The following GSG1L2 variants were observed in gnomAD, a reference collection of about 807,000 sequenced individuals.
GSG1L2 encodes GSG1 like 2.
A neutral mutation model predicts 9.0 loss-of-function variants in GSG1L2; 15 were observed. The ratio of observed to expected loss-of-function variants is 1.67; its 90% confidence interval spans 1.12 to 2.57. The LOEUF is 2.57. Ranked by LOEUF, GSG1L2 falls within the 30% of genes most tolerant of loss-of-function variation. The pLI is 0.00. For synonymous variants in GSG1L2, 127 were observed against 57.9 expected (o/e 2.19, Z -5.41); for missense variants, 286 against 150.3 (o/e 1.90, Z -4.72).
At chr17:9,809,176 A>T in intron 2 of GSG1L2, 194 bp from the exon 3 acceptor site, 31 of 495,488 alleles carry the variant, frequency 6.3e-5, no homozygotes, top group East Asian at 1.8e-4. Context: ...AGACGGTTGT[A>T]GGGATTGCCC....
At chr17:9,808,512 C>G (rs2066524769) in intron 3 of GSG1L2, among the ~76,000 whole-genome samples, 1 of 152,126 alleles carries the variant, frequency 6.6e-6, no homozygotes, top group Admixed American at 6.5e-5. Flanking sequence ...GAGCAGGATC[C>G]CTCCACAGAC....
rs1047025977 is a variant in GSG1L2, at chr17:9,808,966, G to C, written c.375C>G (p.Ser125=). ...PAEEQGVLWL[S]IGGEVLDIVL... is the part of the protein sequence containing the mutation. Reference sequence around the variant, plus strand: ...CGATATCCAGGACCTCGCCCCCGATGGACAGCCACAAAACACCTGCCAAAG... The same window carrying C: ...CGATATCCAGGACCTCGCCCCCGATCGACAGCCACAAAACACCTGCCAAAG... The change falls in exon 3 of 5, where the codon TCC becomes TCG. Residue 125 remains serine, a synonymous_variant. Coordinates refer to ENST00000399363, the MANE Select transcript of GSG1L2 (RefSeq NM_001310219.2). 4.3e-6 allele frequency: 3 copies of C among 702,876 alleles called. No individual in the cohort carries two copies. The highest frequency in any genetic ancestry group is 4.0e-5 in the Admixed American group (2 of 49,974). The allele number at this position is 702,876 out of a possible 1,614,324, so 43.5% of individuals were successfully genotyped here. A position where few individuals can be genotyped will look rare whatever the true frequency, so the allele number is the denominator to read the frequency against.
intron 2 of GSG1L2, 73 bp downstream of exon 2, chr17:9,810,498 T>C (rs917392049): frequency 2.9e-6 from 2 of 693,716 alleles, no homozygotes; most frequent in African/African-American, 1.8e-5. Flanking sequence ...ATTTCCCCTA[T>C]TCCCAATAAA....
chr17:9,810,256 T>TGG (rs2066534023), intron 2 of GSG1L2: 1 of 435,140 alleles, frequency 2.3e-6, no homozygotes, highest in African/African-American at 2.0e-5. Flanking sequence ...GAGCTCTGTG[T>TGG]TCATCTTGCA....
intron 2 of GSG1L2, chr17:9,809,561 C>T (rs182269294): frequency 1.3e-5 from 2 of 157,784 alleles, no homozygotes; most frequent in African/African-American, 4.8e-5. Context: ...ATCAGAGTGC[C>T]CTTTTTCCAG....
In GSG1L2 at chr17:9,810,636, T is replaced by C. The variant is rs1597941801; in HGVS notation, c.311-18A>G. 1.4e-6 allele frequency: 1 copy of C among 702,990 alleles called. No individual in the cohort carries two copies. Among genetic ancestry groups the C allele is most frequent in the East Asian group, 2.7e-5 (1 of 37,292 alleles). The allele number at this position is 702,990 out of a possible 1,614,324, so 43.5% of individuals were successfully genotyped here. On this transcript the variant is annotated intron_variant, in intron 1 of 4. Coordinates refer to ENST00000399363, the MANE Select transcript of GSG1L2 (RefSeq NM_001310219.2). Reference sequence around the variant, plus strand: ...CTTTTCATCTGAAAGATAAAGAGAATGCATCCAGAAGTGGGTTACACTTCA... The same window carrying C: ...CTTTTCATCTGAAAGATAAAGAGAACGCATCCAGAAGTGGGTTACACTTCA...
At chr17:9,815,734 ATTAAGAGCTCT>A (rs1457244725) in intron 1 of GSG1L2, among the ~76,000 whole-genome samples, 2 of 152,202 alleles carry the variant, frequency 1.3e-5, no homozygotes, top group African/African-American at 4.8e-5. Flanking sequence ...TGAGGTACTT[ATTAAGAGCTCT>A]TTCTGTCCTG....
intron 4 of GSG1L2, among the ~76,000 whole-genome samples, chr17:9,807,261 T>C (rs2152022459): frequency 6.6e-6 from 1 of 152,174 alleles, no homozygotes; most frequent in African/African-American, 2.4e-5. Context: ...GTGCAAAGAG[T>C]TTTATAAACA....
chr17:9,807,745 G>A (rs1344244159), intron 3 of GSG1L2, 144 bp from the exon 4 acceptor site: 1 of 606,906 alleles, frequency 1.6e-6, no homozygotes, highest in Non-Finnish European at 3.0e-6. Context: ...TAAACATTCC[G>A]CTGGACATCT....
rs149118722 is a variant in GSG1L2, at chr17:9,821,617, C to T, written c.310+145G>A. The T allele has an allele frequency of 3.4e-3, 2,147 of 625,718 alleles. 17 individuals are homozygous for T. The highest frequency in any genetic ancestry group is 3.1e-3 in the Non-Finnish European group (1,076 of 347,008). The allele number at this position is 625,718 out of a possible 1,614,324, so 38.8% of individuals were successfully genotyped here. ...AATCAGTGGAGATGAAGGATTCAAA[C>T]CCAGACAGCCTGGCTCCAGAGCCCC... On this transcript the variant is annotated intron_variant, in intron 1 of 4. Coordinates refer to ENST00000399363, the MANE Select transcript of GSG1L2 (RefSeq NM_001310219.2).
intron 4 of GSG1L2, among the ~76,000 whole-genome samples, chr17:9,802,965 C>T (rs951231233): frequency 4.6e-5 from 7 of 152,150 alleles, no homozygotes; most frequent in African/African-American, 1.7e-4. Context: ...AATGCTGCCA[C>T]CAGGGTGGCT....
At chr17:9,805,327 A>G (rs2066512685) in intron 4 of GSG1L2, 1 of 151,978 alleles carries the variant, frequency 6.6e-6, no homozygotes, top group African/African-American at 2.4e-5. Flanking sequence ...TCCTCGCCAA[A>G]GGACATCATC....
At chr17:9,816,690 TGTATG>T (rs2066565600) in intron 1 of GSG1L2, among the ~76,000 whole-genome samples, 1 of 150,690 alleles carries the variant, frequency 6.6e-6, no homozygotes, top group Non-Finnish European at 1.5e-5. Flanking sequence ...TGTGTGTCTG[TGTATG>T]TGTGCATGCG....
At chr17:9,819,169 G>T (rs1349712083) in intron 1 of GSG1L2, among the ~76,000 whole-genome samples, 1 of 152,170 alleles carries the variant, frequency 6.6e-6, no homozygotes, top group Non-Finnish European at 1.5e-5. Flanking sequence ...GTGCCATAAG[G>T]ATCAGAAACG....
chr17:9,816,257 A>G (rs2066558885), intron 1 of GSG1L2, among the ~76,000 whole-genome samples: 1 of 152,244 alleles, frequency 6.6e-6, no homozygotes, highest in Admixed American at 6.5e-5. Context: ...TTGTCCATGA[A>G]TCATGGAGAA....
chr17:9,816,949 ACT>A (rs1348335871), intron 1 of GSG1L2, among the ~76,000 whole-genome samples: 20 of 61,694 alleles, frequency 3.2e-4, no homozygotes, highest in Admixed American at 1.6e-3. Context: ...TGTAGTAAAC[ACT>A]CTGTGGGTTT....
chr17:9,801,258 AG>A lies in GSG1L2; in HGVS notation c.*1127del, dbSNP rs2066495641. On this transcript the variant is annotated 3_prime_UTR_variant, in exon 5 of 5. Coordinates refer to ENST00000399363, the MANE Select transcript of GSG1L2 (RefSeq NM_001310219.2). ...GGTCTCACTCTATTGCCCAGGCTGG[AG>A]TGCAATGGCGCGATCTCTGCTCACT... Among the ~76,000 whole-genome samples, 1 of 151,858 alleles carries A rather than the reference AG, an allele frequency of 6.6e-6. No individual in the cohort carries two copies. The highest frequency in any genetic ancestry group is 2.4e-5 in the African/African-American group (1 of 41,318).
In GSG1L2 at chr17:9,822,054, C is replaced by T; in HGVS notation, c.18G>A (p.Gln6=). 1 of 701,376 alleles carries T rather than the reference C, an allele frequency of 1.4e-6. No homozygotes were observed. The highest frequency in any genetic ancestry group is 1.5e-5 in the South Asian group (1 of 67,518). The allele number at this position is 701,376 out of a possible 1,614,324, so 43.4% of individuals were successfully genotyped here. The change falls in exon 1 of 5, where the codon CAG becomes CAA. Residue 6 remains glutamine (Q), a synonymous_variant. Transcript: ENST00000399363. ...CAGGGAGGAGGAGCAGCGCCTGCTG[C>T]TGCTTGGCCCTGTCCATGGCTGAGT... is the stretch of plus-strand genomic sequence containing the variant. MDRAK[Q]QQALLLLPVC... is the part of the protein sequence containing the mutation.
chr17:9,801,217 C>CT lies in GSG1L2; in HGVS notation c.*1168dup, dbSNP rs1225228871. On this transcript the variant is annotated 3_prime_UTR_variant, in exon 5 of 5. Coordinates refer to ENST00000399363, the MANE Select transcript of GSG1L2 (RefSeq NM_001310219.2). ...GTCCCTTTCTTTTCTTTTTCTTTTT[C>CT]TTTTTTTTGAGACAGGGTCTCACTC... 6.6e-6 allele frequency among the ~76,000 whole-genome samples: 1 copy of CT among 151,208 alleles called. No individual in the cohort carries two copies. Among genetic ancestry groups the CT allele is most frequent in the African/African-American group, 2.4e-5 (1 of 41,128 alleles).
Sources: allele counts gnomAD v4.1 joint callset (sites outside exome capture counted in the v4.1 genomes callset), GRCh38; gene constraint gnomAD v4.1.1; transcripts MANE v1.5; gene names NCBI Gene and HGNC (gene_info 2026-07-23, HGNC 2026-07-21).